MGMT: variants seen among roughly 807,000 people sequenced by gnomAD.
The protein encoded by MGMT is methylated-DNA--protein-cysteine methyltransferase.
In MGMT, 14 loss-of-function variants were observed where a neutral mutation model predicts 15.9. The observed-to-expected ratio is 0.88, with a 90% CI of 0.58 to 1.37. The LOEUF (loss-of-function observed/expected upper bound fraction) is 1.37. Among genes scored for constraint, MGMT ranks in the 40% most tolerant of loss-of-function variants. The pLI, the probability that MGMT is intolerant of heterozygous loss-of-function variation, is 0.00. For synonymous variants in MGMT, 130 were observed against 118.2 expected (o/e 1.10, Z -0.65); for missense variants, 282 against 268.1 (o/e 1.05, Z -0.36).
At chr10:129,501,237 C>T (rs1428486966) in intron 1 of MGMT, among the ~76,000 whole-genome samples, 1 of 152,214 alleles carries the variant, frequency 6.6e-6, no homozygotes, top group Non-Finnish European at 1.5e-5. Flanking sequence ...GCCCCCTCTT[C>T]CCTCTCTGGG....
At chr10:129,469,061 T>C (rs1291286643) in intron 1 of MGMT, among the ~76,000 whole-genome samples, 3 of 152,184 alleles carry the variant, frequency 2.0e-5, no homozygotes, top group Non-Finnish European at 2.9e-5. Context: ...TACTTTGATA[T>C]CACCTGGGCC....
At chr10:129,725,571 T>G (rs1019749499) in intron 3 of MGMT, among the ~76,000 whole-genome samples, 3 of 152,254 alleles carry the variant, frequency 2.0e-5, no homozygotes, top group African/African-American at 7.2e-5. Context: ...GGTTTGAGTT[T>G]GTGCACATGG....
intron 1 of MGMT, among the ~76,000 whole-genome samples, chr10:129,499,733 ACAGT>A (rs746002149): frequency 2.6e-5 from 4 of 152,196 alleles, no homozygotes; most frequent in Admixed American, 6.5e-5. Flanking sequence ...TAGAACACAG[ACAGT>A]CAGAAATCTT....
chr10:129,745,357 C>T (rs1848682241), intron 3 of MGMT, among the ~76,000 whole-genome samples: 1 of 152,030 alleles, frequency 6.6e-6, no homozygotes, highest in African/African-American at 2.4e-5. Context: ...AGAGGAGTTC[C>T]ACCACCTGGA....
At chr10:129,695,188 A>G (rs1221398804) in intron 2 of MGMT, among the ~76,000 whole-genome samples, 1 of 152,190 alleles carries the variant, frequency 6.6e-6, no homozygotes, top group Non-Finnish European at 1.5e-5. Flanking sequence ...AGTATTCTCA[A>G]CTCTGCTAAC....
intron 2 of MGMT, among the ~76,000 whole-genome samples, chr10:129,677,434 T>C (rs1847798136): frequency 6.6e-6 from 1 of 152,202 alleles, no homozygotes; most frequent in African/African-American, 2.4e-5. Context: ...ATCTCTGCCC[T>C]GTAGAGAATA....
At chr10:129,669,563 G>A (rs1172973056) in intron 2 of MGMT, among the ~76,000 whole-genome samples, 2 of 151,400 alleles carry the variant, frequency 1.3e-5, no homozygotes, top group Non-Finnish European at 2.9e-5. Flanking sequence ...TTTTCTTTCA[G>A]CATGGCATTA....
chr10:129,761,000 T>A (rs1020377692), intron 4 of MGMT, among the ~76,000 whole-genome samples: 2 of 152,202 alleles, frequency 1.3e-5, no homozygotes, highest in Non-Finnish European at 1.5e-5. Context: ...CCGAATCAAA[T>A]TTCTGAGGAT....
chr10:129,557,454 T>C (rs1346938543), intron 2 of MGMT, among the ~76,000 whole-genome samples: 1 of 152,214 alleles, frequency 6.6e-6, no homozygotes, highest in Non-Finnish European at 1.5e-5. Flanking sequence ...TTAATCATTG[T>C]GTTGCTGCAT....
intron 2 of MGMT, among the ~76,000 whole-genome samples, chr10:129,583,227 A>G (rs1846578072): frequency 6.6e-6 from 1 of 152,252 alleles, no homozygotes; most frequent in Non-Finnish European, 1.5e-5. Flanking sequence ...ATTAACATCA[A>G]ATGGAAATTC....
chr10:129,717,648 A>G (rs1035669236), intron 3 of MGMT: 6 of 152,114 alleles, frequency 3.9e-5, no homozygotes, highest in African/African-American at 1.4e-4. Flanking sequence ...TGAAACCATT[A>G]ACACCTTTTG....
In MGMT at chr10:129,601,848, A is replaced by G. The variant is rs575606289; in HGVS notation, c.125+65471A>G. ...CGCAGCAACGTAAGGATGTGGTAGT[A>G]GAGTGCTTGGTGTTCCAGTGGCCAC... On this transcript the variant is annotated intron_variant, in intron 2 of 4. Coordinates refer to ENST00000651593, the MANE Select transcript of MGMT (RefSeq NM_002412.5). 1.6e-4 allele frequency among the ~76,000 whole-genome samples: 24 copies of G among 152,286 alleles called. No individual in the cohort carries two copies. In the East Asian group the frequency reaches 3.1e-3, roughly 20 times the overall value.
At chr10:129,605,552 T>A (rs182832126) in intron 2 of MGMT, among the ~76,000 whole-genome samples, 19 of 152,280 alleles carry the variant, frequency 1.2e-4, no homozygotes, top group Admixed American at 1.1e-3. Flanking sequence ...AAAATAATTC[T>A]TTTCAACAAC....
intron 3 of MGMT, among the ~76,000 whole-genome samples, chr10:129,723,593 G>A (rs1848399734): frequency 6.6e-6 from 1 of 152,034 alleles, no homozygotes; most frequent in Non-Finnish European, 1.5e-5. Context: ...AGTAAATGAG[G>A]AACAGGCCAC....
At chr10:129,541,175 C>T (rs1478685247) in intron 2 of MGMT, among the ~76,000 whole-genome samples, 4 of 152,268 alleles carry the variant, frequency 2.6e-5, no homozygotes, top group African/African-American at 9.6e-5. Context: ...TGGCTTCGCA[C>T]GGGGACCAAT....
At chr10:129,732,558 T>A (rs9971094) in intron 3 of MGMT, among the ~76,000 whole-genome samples, 10,854 of 151,892 alleles carry the variant, frequency 0.071, 1,014 homozygotes, top group African/African-American at 0.22. Flanking sequence ...GCATTTTTTT[T>A]AATTTATTAT....
chr10:129,720,997 A>G (rs1367540673), intron 3 of MGMT, among the ~76,000 whole-genome samples: 1 of 152,026 alleles, frequency 6.6e-6, no homozygotes, highest in Non-Finnish European at 1.5e-5. Flanking sequence ...ATCATATGTT[A>G]TCGGATGAGA....
intron 3 of MGMT, among the ~76,000 whole-genome samples, chr10:129,734,372 G>A (rs1357512395): frequency 1.4e-5 from 2 of 144,732 alleles, no homozygotes; most frequent in South Asian, 2.2e-4. Flanking sequence ...GTCTGTTATT[G>A]GTGTATAAGA....
intron 1 of MGMT, among the ~76,000 whole-genome samples, chr10:129,472,709 G>A (rs1424844322): frequency 6.6e-6 from 1 of 152,206 alleles, no homozygotes; most frequent in Non-Finnish European, 1.5e-5. Context: ...GAGGCCTGGC[G>A]CTGGGGAGGC....
Sources: allele counts gnomAD v4.1 joint callset (sites outside exome capture counted in the v4.1 genomes callset), GRCh38; gene constraint gnomAD v4.1.1; transcripts MANE v1.5; gene names NCBI Gene and HGNC (gene_info 2026-07-23, HGNC 2026-07-21).